KCNMB2: variants seen among roughly 807,000 people sequenced by gnomAD.
KCNMB2 encodes calcium-activated potassium channel subunit beta-2.
KCNMB2 carries 9 observed loss-of-function variants against 24.5 expected under a neutral mutation model. The ratio of observed to expected loss-of-function variants is 0.37; its 90% CI spans 0.22 to 0.64. The LOEUF (loss-of-function observed/expected upper bound fraction) is 0.64. Ranked by LOEUF, KCNMB2 falls within the 30% of genes least tolerant of loss-of-function variation. KCNMB2 has a pLI of 0.63. For synonymous variants in KCNMB2, 109 were observed against 104.4 expected (o/e 1.04, Z -0.27); for missense variants, 226 against 284.3 (o/e 0.79, Z 1.47).
chr3:178,723,520 G>T (rs1391841272), intron 1 of KCNMB2, among the ~76,000 whole-genome samples: 3 of 152,076 alleles, frequency 2.0e-5, no homozygotes, highest in Admixed American at 1.3e-4. Flanking sequence ...GTCATTCAAG[G>T]AATACATGTG....
At chr3:178,583,384 TA>T (rs918347057) in intron 1 of KCNMB2, among the ~76,000 whole-genome samples, 2 of 152,204 alleles carry the variant, frequency 1.3e-5, no homozygotes. Context: ...TATACAAATA[TA>T]AAAAGGGAAC....
At chr3:178,694,306 G>A (rs1458513369) in intron 1 of KCNMB2, among the ~76,000 whole-genome samples, 2 of 152,082 alleles carry the variant, frequency 1.3e-5, no homozygotes, top group African/African-American at 4.8e-5. Context: ...GGGGATCATG[G>A]GAACCACAAT....
At chr3:178,644,704 C>G (rs114851963) in intron 1 of KCNMB2, among the ~76,000 whole-genome samples, 28 of 152,322 alleles carry the variant, frequency 1.8e-4, no homozygotes, top group African/African-American at 5.5e-4. Flanking sequence ...TTTATTTTCG[C>G]ACTACCCAAA....
chr3:178,770,229 G>T (rs141430511), intron 1 of KCNMB2, among the ~76,000 whole-genome samples: 1 of 152,304 alleles, frequency 6.6e-6, no homozygotes, highest in East Asian at 1.9e-4. Context: ...CCAAGCTCCA[G>T]GCTCTGAGAG....
intron 1 of KCNMB2, among the ~76,000 whole-genome samples, chr3:178,706,436 A>G (rs1722279979): frequency 6.6e-6 from 1 of 152,034 alleles, no homozygotes; most frequent in Non-Finnish European, 1.5e-5. Context: ...GTTTGTGTAG[A>G]AATAACCACA....
chr3:178,671,981 T>C lies in KCNMB2; in HGVS notation c.-68+135270T>C, dbSNP rs527722960. 1.4e-4 allele frequency among the ~76,000 whole-genome samples: 22 copies of C among 152,204 alleles called. No homozygotes were observed. The East Asian group carries it at 1.5e-3, about 11-fold the overall frequency. ...CCTTTGGCTAAGAGAACTCATGAAA[T>C]CTTTTCTAGTAATAACATTCTTTCA... On this transcript the variant is annotated intron_variant, in intron 1 of 4. Coordinates refer to ENST00000452583, the MANE Select transcript of KCNMB2 (RefSeq NM_181361.3).
intron 1 of KCNMB2, among the ~76,000 whole-genome samples, chr3:178,574,804 A>G (rs1455678703): frequency 6.6e-6 from 1 of 152,236 alleles, no homozygotes; most frequent in Non-Finnish European, 1.5e-5. Context: ...GTGGTGGCTT[A>G]TGCCTGTAAT....
intron 1 of KCNMB2, among the ~76,000 whole-genome samples, chr3:178,596,344 C>T (rs962580589): frequency 6.6e-6 from 1 of 152,010 alleles, no homozygotes; most frequent in African/African-American, 2.4e-5. Context: ...GTTATCTAAG[C>T]TGGACAACAA....
chr3:178,795,079 A>C (rs1318894343), intron 1 of KCNMB2: 3 of 152,210 alleles, frequency 2.0e-5, no homozygotes, highest in Admixed American at 6.5e-5. Context: ...ATGTTAAAAA[A>C]ATCCTATTAA....
At chr3:178,814,237 T>C (rs1714315717) in intron 2 of KCNMB2, among the ~76,000 whole-genome samples, 1 of 152,206 alleles carries the variant, frequency 6.6e-6, no homozygotes, top group Admixed American at 6.5e-5. Context: ...ATGTGTTAAG[T>C]GAGAACATGC....
intron 1 of KCNMB2, among the ~76,000 whole-genome samples, chr3:178,800,197 A>G (rs1713720519): frequency 6.6e-6 from 1 of 152,178 alleles, no homozygotes; most frequent in South Asian, 2.1e-4. Context: ...CAAGTTAAAA[A>G]GCTTCTGCAT....
At chr3:178,707,110 G>A in intron 1 of KCNMB2, among the ~76,000 whole-genome samples, 1 of 152,134 alleles carries the variant, frequency 6.6e-6, no homozygotes, top group Admixed American at 6.6e-5. Flanking sequence ...GCCTAAGGGA[G>A]GATATGAGTG....
chr3:178,657,351 A>G (rs1577077202), intron 1 of KCNMB2, among the ~76,000 whole-genome samples: 1 of 152,306 alleles, frequency 6.6e-6, no homozygotes, highest in Non-Finnish European at 1.5e-5. Flanking sequence ...TGGAGTTGAG[A>G]GCTCTTGCTC....
chr3:178,600,816 G>A (rs1718055608), intron 1 of KCNMB2, among the ~76,000 whole-genome samples: 2 of 152,154 alleles, frequency 1.3e-5, no homozygotes, highest in Non-Finnish European at 2.9e-5. Flanking sequence ...TATATACCCA[G>A]TAATGAGATT....
At chr3:178,760,966 T>A (rs1458432292) in intron 1 of KCNMB2, among the ~76,000 whole-genome samples, 2 of 152,138 alleles carry the variant, frequency 1.3e-5, no homozygotes, top group Non-Finnish European at 2.9e-5. Flanking sequence ...TATGCACCAC[T>A]TGCAATTCTG....
intron 1 of KCNMB2, among the ~76,000 whole-genome samples, chr3:178,666,821 T>C (rs1291742727): frequency 2.0e-5 from 3 of 152,110 alleles, no homozygotes; most frequent in African/African-American, 7.2e-5. Flanking sequence ...CCAAAGTTCA[T>C]ACAACAAAGT....
At chr3:178,822,148 G>A (rs755763862) in intron 2 of KCNMB2, among the ~76,000 whole-genome samples, 2 of 152,096 alleles carry the variant, frequency 1.3e-5, no homozygotes, top group Non-Finnish European at 2.9e-5. Context: ...CTGTCCCATA[G>A]GCATCTCAGT....
At chr3:178,602,937 GTT>G (rs1299335719) in intron 1 of KCNMB2, among the ~76,000 whole-genome samples, 15 of 152,172 alleles carry the variant, frequency 9.9e-5, no homozygotes, top group Non-Finnish European at 2.2e-4. Flanking sequence ...ATATATTGGA[GTT>G]AGAGATTGGA....
rs372130427 is a variant in KCNMB2 at position 178,843,274 on chromosome 3, T to G, written c.*337T>G. 566 of 471,856 alleles carry G rather than the reference T, an allele frequency of 1.2e-3. 10 individuals are homozygous for G. Among genetic ancestry groups the G allele is most frequent in the South Asian group, 8.5e-3 (549 of 64,246 alleles). The allele number at this position is 471,856 out of a possible 1,614,324, so 29.2% of individuals were successfully genotyped here. ...TAGGTGACATCAATGTGATAAAGTC[T>G]GTGTTCTGAGTTGTCAGATCTCTTG... On this transcript the variant is annotated 3_prime_UTR_variant, in exon 5 of 5. Coordinates refer to ENST00000452583, the MANE Select transcript of KCNMB2 (RefSeq NM_181361.3).
Sources: gnomAD v4.1 joint callset for allele counts (sites outside exome capture counted in the v4.1 genomes callset) on GRCh38, gnomAD v4.1.1 for gene constraint, MANE v1.5 for transcripts, NCBI Gene and HGNC (gene_info 2026-07-23, HGNC 2026-07-21) for gene names.